Variants in PRPF38A observed in about 807,000 individuals in gnomAD.
PRPF38A encodes the protein pre-mRNA-splicing factor 38A.
A neutral mutation model predicts 46.8 loss-of-function variants in PRPF38A; 11 were observed. The ratio of observed to expected loss-of-function variants is 0.24; its 90% confidence interval spans 0.15 to 0.39. The LOEUF is 0.39. Among genes scored for constraint, PRPF38A ranks in the 10% least tolerant of loss-of-function variants. The probability of loss-of-function intolerance (pLI) is 1.00; values close to 1 mark genes in which losing one functional copy is unlikely to be tolerated. For missense variants in PRPF38A, 261 were observed against 407.5 expected, an observed-to-expected ratio of 0.64 and a Z score of 3.10; for synonymous variants, 124 against 136.2, an observed-to-expected ratio of 0.91 and a Z score of 0.62.
intron 5 of PRPF38A, 53 bp from the exon 6 acceptor site, chr1:52,413,826 G>A: frequency 1.7e-6 from 2 of 1,183,140 alleles, no homozygotes; most frequent in South Asian, 1.2e-5. Flanking sequence ...AGTGTTCCTA[G>A]ATGGCTCTTT....
At chr1:52,411,037 G>GATGTCCTGATATGACA in intron 3 of PRPF38A, 78 bp from the exon 4 acceptor site, 1 of 1,013,994 alleles carries the variant, frequency 9.9e-7, no homozygotes, top group South Asian at 1.3e-5. Context: ...CTGATATGAA[G>GATGTCCTGATATGACA]TCTTAACACT....
intron 2 of PRPF38A, among the ~76,000 whole-genome samples, chr1:52,407,947 T>G (rs1648043842): frequency 1.3e-5 from 2 of 152,204 alleles, no homozygotes; most frequent in Non-Finnish European, 2.9e-5. Context: ...TCCCAGCTAC[T>G]TGGGAGGCTG....
chr1:52,413,875 C>G lies in PRPF38A; in HGVS notation c.610-4C>G. 6.3e-7 allele frequency: 1 copy of G among 1,599,760 alleles called. No homozygotes were observed. Among genetic ancestry groups the G allele is most frequent in the South Asian group, 1.1e-5 (1 of 90,788 alleles). ...TTTCAATGACCCAATCATCTTGTTT[C>G]CAGTTGGAAAGAGTGCCATCACCTG... is the stretch of plus-strand genomic sequence containing the variant. On this transcript the variant is annotated splice_region_variant and splice_polypyrimidine_tract_variant and intron_variant, in intron 5 of 9. Coordinates refer to ENST00000257181, the MANE Select transcript of PRPF38A (RefSeq NM_032864.4).
intron 5 of PRPF38A, among the ~76,000 whole-genome samples, chr1:52,413,409 A>G (rs1296634225): frequency 1.3e-5 from 2 of 151,814 alleles, no homozygotes; most frequent in African/African-American, 4.8e-5. Flanking sequence ...CCAGGAAGCA[A>G]ACTTTTTTTT....
intron 4 of PRPF38A, among the ~76,000 whole-genome samples, chr1:52,412,143 C>G (rs1280661917): frequency 6.6e-6 from 1 of 152,184 alleles, no homozygotes; most frequent in Middle Eastern, 3.2e-3. Context: ...TGGTACTACT[C>G]TAGGGCTAGG....
rs770800049 is a variant in PRPF38A at position 52,414,656 on chromosome 1, TCA to T, written c.749+10_749+11del. The T allele has an allele frequency of 3.8e-5, 61 of 1,614,044 alleles. No homozygotes were observed. The highest frequency in any genetic ancestry group is 4.8e-5 in the Non-Finnish European group (57 of 1,180,012). ...TCTCCCAAAAGGAGAAGGTAGGCCT[TCA>T]GTCATTTGTGATGAAGGATAGGGCT... is the stretch of plus-strand genomic sequence containing the variant. On this transcript the variant is annotated intron_variant, in intron 7 of 9. Transcript: ENST00000257181.
rs778361504 is a variant in PRPF38A at position 52,416,698 on chromosome 1, A to C, written c.*8A>C. The C allele has an allele frequency of 3.7e-6, 6 of 1,610,506 alleles. No homozygotes were observed. The Admixed American group carries it at 6.7e-5, about 18-fold the overall frequency. ...CGGAGAGGGAATGAGTAATGGACTC[A>C]GTTTGGTTTTAGTCCACATGGCCTC... On this transcript the variant is annotated 3_prime_UTR_variant, in exon 10 of 10. Coordinates refer to ENST00000257181, the MANE Select transcript of PRPF38A (RefSeq NM_032864.4).
rs750102995 is a variant in PRPF38A, at chr1:52,414,620, G to A, written c.723-1G>A. 1 of 1,613,484 alleles carries A rather than the reference G, an allele frequency of 6.2e-7. No individual in the cohort carries two copies. The highest frequency in any genetic ancestry group is 8.5e-7 in the Non-Finnish European group (1 of 1,179,986). On this transcript the variant is annotated splice_acceptor_variant, in intron 6 of 9. Coordinates refer to ENST00000257181, the MANE Select transcript of PRPF38A (RefSeq NM_032864.4). LOFTEE classifies it high-confidence loss of function. ...CTTTCTTCTTCCTCTCCTCTTTATA[G>A]GCGGAGTCGATCTCCCAAAAGGAGA...
rs558752559 is a variant in PRPF38A, at chr1:52,414,080, A to G, written c.722+89A>G. ...TTTAGAGAAGGAAAAATGCACGTCT[A>G]TGGAGAATGTTTGCCCAATATATTA... On this transcript the variant is annotated intron_variant, in intron 6 of 9. Transcript: ENST00000257181. 5.2e-4 allele frequency: 417 copies of G among 795,944 alleles called. 3 individuals carry two copies. The South Asian group carries it at 6.3e-3, about 12-fold the overall frequency. 49.3% of individuals were successfully genotyped at this position (795,944 alleles called of 1,614,324 possible). A position where few individuals can be genotyped will look rare whatever the true frequency, so the allele number is the denominator to read the frequency against.
intron 9 of PRPF38A, 32 bp from the exon 10 acceptor site, chr1:52,416,616 A>G: frequency 1.3e-6 from 2 of 1,583,632 alleles, no homozygotes; most frequent in Non-Finnish European, 1.7e-6. Flanking sequence ...GCTGCTTCTT[A>G]ATATAATTAT....
intron 1 of PRPF38A, among the ~76,000 whole-genome samples, chr1:52,405,095 C>G (rs1647938821): frequency 6.6e-6 from 1 of 152,198 alleles, no homozygotes; most frequent in African/African-American, 2.4e-5. Flanking sequence ...AAGGCTGTCT[C>G]AGTTGGGTGT....
At chr1:52,404,947 A>G (rs1647931533) in intron 1 of PRPF38A, 68 bp downstream of exon 1, 2 of 1,577,040 alleles carry the variant, frequency 1.3e-6, no homozygotes, top group African/African-American at 1.4e-5. Context: ...GAGCGCGGGT[A>G]GGACTAGCGA....
chr1:52,405,574 A>G (rs1647959771), intron 1 of PRPF38A, 106 bp from the exon 2 acceptor site: 7 of 981,086 alleles, frequency 7.1e-6, no homozygotes, highest in Non-Finnish European at 9.4e-6. Flanking sequence ...TTCTCCTAAT[A>G]TTACACTGTT....
In PRPF38A at chr1:52,420,258, CA is replaced by C. The variant is rs1213915087; in HGVS notation, c.*3570del. The C allele has an allele frequency of 1.3e-5, 2 of 152,048 alleles. No individual in the cohort carries two copies. Among genetic ancestry groups the C allele is most frequent in the Admixed American group, 6.5e-5 (1 of 15,276 alleles). The allele number at this position is 152,048 out of a possible 1,614,324, so 9.4% of individuals were successfully genotyped here. On this transcript the variant is annotated 3_prime_UTR_variant, in exon 10 of 10. Transcript: ENST00000257181. ...GAAAAAACCGCCCAATAATGAAATT[CA>C]ACTAAAGAAGAAATGAATCAAATTA...
chr1:52,411,921 C>T (rs1258914786), intron 4 of PRPF38A, among the ~76,000 whole-genome samples: 1 of 152,148 alleles, frequency 6.6e-6, no homozygotes, highest in Non-Finnish European at 1.5e-5. Context: ...CTCCTGGGCT[C>T]AAGGGATCTT....
chr1:52,415,371 CAA>C lies in PRPF38A; in HGVS notation c.883_884del (p.Lys295ValfsTer6). On this transcript the variant is annotated frameshift_variant, in exon 9 of 10. Transcript: ENST00000257181. LOFTEE classifies it high-confidence loss of function. ...CGTAGTCACAGACACAGGAGCCACT[CAA>C]AGTCTCCCGAAAGGTAATGAATTGA... 6.2e-7 allele frequency: 1 copy of C among 1,613,776 alleles called. No individual in the cohort carries two copies. Among genetic ancestry groups the C allele is most frequent in the Non-Finnish European group, 8.5e-7 (1 of 1,179,734 alleles).
chr1:52,404,636 T>C lies in PRPF38A; in HGVS notation c.-114T>C. 8.2e-7 allele frequency: 1 copy of C among 1,217,800 alleles called. No homozygotes were observed. Among genetic ancestry groups the C allele is most frequent in the Non-Finnish European group, 1.1e-6 (1 of 871,900 alleles). The allele number at this position is 1,217,800 out of a possible 1,614,324, so 75.4% of individuals were successfully genotyped here. A position where few individuals can be genotyped will look rare whatever the true frequency, so the allele number is the denominator to read the frequency against. On this transcript the variant is annotated 5_prime_UTR_variant, in exon 1 of 10. It removes the in-frame stop codon of an upstream open reading frame in the 5' UTR. Coordinates refer to ENST00000257181, the MANE Select transcript of PRPF38A (RefSeq NM_032864.4). ...TGTTTCCGGCTTCAAGATGGTCGCC[T>C]AAGCTGTTTAGTGAAACTTCTTCCA...
At chr1:52,405,500 CTATTT>C (rs1387087125) in intron 1 of PRPF38A, among the ~76,000 whole-genome samples, 175 bp from the exon 2 acceptor site, 1 of 152,152 alleles carries the variant, frequency 6.6e-6, no homozygotes, top group Admixed American at 6.5e-5. Context: ...AGCAGGGTAC[CTATTT>C]TATTATCCAT....
chr1:52,416,609 G>C (rs1478292305), intron 9 of PRPF38A, 39 bp from the exon 10 acceptor site: 1 of 1,565,050 alleles, frequency 6.4e-7, no homozygotes, highest in Admixed American at 1.7e-5. Context: ...GTGCCTGGCT[G>C]CTTCTTAATA....
Sources: allele counts gnomAD v4.1 joint callset (sites outside exome capture counted in the v4.1 genomes callset), GRCh38; gene constraint gnomAD v4.1.1; transcripts MANE v1.5; gene names NCBI Gene and HGNC (gene_info 2026-07-23, HGNC 2026-07-21).